CIMAP2: variants seen among roughly 807,000 people sequenced by gnomAD.
The protein encoded by CIMAP2 is ciliary microtubule associated protein 2, also known as ciliary microtubule-associated protein 2.
the CIMAP2 span, among the ~76,000 whole-genome samples, chr1:54,820,958 G>A: frequency 5.3e-5 from 8 of 151,846 alleles, no homozygotes; most frequent in Non-Finnish European, 7.4e-5. Context: ...TAGTAGAGAC[G>A]GGGTTTCACC....
the CIMAP2 span, among the ~76,000 whole-genome samples, chr1:54,815,216 C>G: frequency 6.6e-6 from 1 of 152,196 alleles, no homozygotes; most frequent in African/African-American, 2.4e-5. Context: ...GGCATTGGTT[C>G]TCAAACTTGA....
the CIMAP2 span, chr1:54,811,765 G>GGGGGGGGGGGGGGGGGGCCCCCCCCCCC: frequency 7.7e-7 from 1 of 1,301,332 alleles, no homozygotes; most frequent in Non-Finnish European, 1.1e-6. Flanking sequence ...GGTTCTGACA[G>GGGGGGGGGGGGGGGGGGCCCCCCCCCCC]CCTCCATGCC....
the CIMAP2 span, among the ~76,000 whole-genome samples, chr1:54,813,488 G>A: frequency 6.6e-6 from 1 of 152,212 alleles, no homozygotes; most frequent in Non-Finnish European, 1.5e-5. Context: ...CATCGTTCCT[G>A]CTTAGAATAG....
the CIMAP2 span, among the ~76,000 whole-genome samples, chr1:54,809,582 A>C: frequency 6.6e-6 from 1 of 152,186 alleles, no homozygotes; most frequent in Admixed American, 6.5e-5. Context: ...TGAGTAACTT[A>C]CTGCCCAAGG....
chr1:54,831,537 C>T, the CIMAP2 span, among the ~76,000 whole-genome samples: 2 of 152,238 alleles, frequency 1.3e-5, no homozygotes, highest in Non-Finnish European at 2.9e-5. Flanking sequence ...CCTGTAATCC[C>T]AGCTACTCAG....
chr1:54,831,042 G>A, the CIMAP2 span, among the ~76,000 whole-genome samples: 102 of 152,222 alleles, frequency 6.7e-4, no homozygotes, highest in African/African-American at 2.4e-3. Flanking sequence ...AAATTTCTGG[G>A]TTTCAAAGGT....
chr1:54,837,335 A>G, the CIMAP2 span, among the ~76,000 whole-genome samples: 1 of 152,114 alleles, frequency 6.6e-6, no homozygotes, highest in Non-Finnish European at 1.5e-5. Flanking sequence ...TGAGGCTCCA[A>G]CAAGTTGGTG....
the CIMAP2 span, among the ~76,000 whole-genome samples, chr1:54,836,848 C>T: frequency 1.8e-4 from 28 of 151,872 alleles, no homozygotes; most frequent in South Asian, 4.1e-4. Flanking sequence ...TATGGAAGAA[C>T]GAAGCCAGGT....
chr1:54,811,765 G>GCGGGGGGGGGGGGGCCCCCCCCCCCCC, the CIMAP2 span: 3 of 1,301,328 alleles, frequency 2.3e-6, no homozygotes, highest in Non-Finnish European at 3.3e-6. Context: ...GGTTCTGACA[G>GCGGGGGGGGGGGGGCCCCCCCCCCCCC]CCTCCATGCC....
At chr1:54,818,295 C>G in the CIMAP2 span, among the ~76,000 whole-genome samples, 6 of 152,158 alleles carry the variant, frequency 3.9e-5, no homozygotes, top group Non-Finnish European at 7.3e-5. Flanking sequence ...ACGATTTCCT[C>G]TCCTCTGTGT....
the CIMAP2 span, among the ~76,000 whole-genome samples, chr1:54,838,197 T>C: frequency 3.9e-5 from 6 of 152,076 alleles, no homozygotes; most frequent in Non-Finnish European, 7.4e-5. Context: ...TATAAACATC[T>C]TTCATCTGGG....
the CIMAP2 span, chr1:54,807,606 C>G: frequency 6.2e-7 from 1 of 1,609,772 alleles, no homozygotes; most frequent in Non-Finnish European, 8.5e-7. Context: ...TGGACACAGG[C>G]TGGGCCAAGG....
the CIMAP2 span, chr1:54,817,050 A>G: frequency 6.2e-7 from 1 of 1,614,220 alleles, no homozygotes; most frequent in Admixed American, 1.7e-5. Flanking sequence ...GACAGGCGGC[A>G]GCGATATCGA....
chr1:54,819,567 C>T, the CIMAP2 span, among the ~76,000 whole-genome samples: 18 of 152,166 alleles, frequency 1.2e-4, no homozygotes, highest in African/African-American at 4.3e-4. Flanking sequence ...GACAGAGTCT[C>T]ACTATGTTGC....
chr1:54,822,088 C>T, the CIMAP2 span, among the ~76,000 whole-genome samples: 318 of 137,074 alleles, frequency 2.3e-3, 33 homozygotes, highest in African/African-American at 7.0e-3. Flanking sequence ...TTAGTAGAGA[C>T]GGGGTTTCAC....
At chr1:54,829,390 T>C in the CIMAP2 span, among the ~76,000 whole-genome samples, 1 of 152,202 alleles carries the variant, frequency 6.6e-6, no homozygotes, top group African/African-American at 2.4e-5. Flanking sequence ...TCCCTGTGGG[T>C]GTCAGACTGT....
chr1:54,829,854 TG>T, the CIMAP2 span, among the ~76,000 whole-genome samples: 2 of 152,350 alleles, frequency 1.3e-5, no homozygotes, highest in African/African-American at 4.8e-5. Context: ...TAAGACTATT[TG>T]CTTGACATTG....
At chr1:54,831,165 C>A in the CIMAP2 span, among the ~76,000 whole-genome samples, 1 of 152,122 alleles carries the variant, frequency 6.6e-6, no homozygotes, top group Non-Finnish European at 1.5e-5. Context: ...TGATAGAAAA[C>A]ACTGTTTATA....
At chr1:54,827,546 G>A in the CIMAP2 span, among the ~76,000 whole-genome samples, 1 of 152,154 alleles carries the variant, frequency 6.6e-6, no homozygotes, top group Non-Finnish European at 1.5e-5. Flanking sequence ...TCTAACCCCG[G>A]CTTAGAATTC....
Sources: allele counts gnomAD v4.1 joint callset (sites outside exome capture counted in the v4.1 genomes callset), GRCh38; gene constraint gnomAD v4.1.1; transcripts MANE v1.5; gene names NCBI Gene and HGNC (gene_info 2026-07-23, HGNC 2026-07-21).